Variants in CCDC68 observed in about 807,000 individuals in gnomAD.
CCDC68 encodes the protein coiled-coil domain containing 68, also known as coiled-coil domain-containing protein 68.
A neutral mutation model predicts 47.1 loss-of-function variants in CCDC68; 45 were observed. That is an observed-to-expected ratio of 0.96 (90% CI 0.75 to 1.23). The LOEUF is 1.23. CCDC68 is among the 50% of genes most tolerant of loss of function. The probability of loss-of-function intolerance (pLI) is 0.00; values close to 1 mark genes in which losing one functional copy is unlikely to be tolerated. For synonymous variants in CCDC68, 131 were observed against 129.5 expected, an observed-to-expected ratio of 1.01 and a Z score of -0.08; for missense variants, 353 against 373.6, an observed-to-expected ratio of 0.94 and a Z score of 0.45.
chr18:54,951,035 A>T (rs1324364684), intron 1 of CCDC68, among the ~76,000 whole-genome samples: 1 of 144,296 alleles, frequency 6.9e-6, no homozygotes, highest in Non-Finnish European at 1.5e-5. Context: ...CAGCCTCCCG[A>T]GTAGCTGGGA....
chr18:54,904,472 G>C, intron 11 of CCDC68, 57 bp from the exon 12 acceptor site: 3 of 1,350,630 alleles, frequency 2.2e-6, no homozygotes, highest in Non-Finnish European at 2.1e-6. Context: ...TAGTGATTAT[G>C]GCTAGACTAC....
At chr18:54,934,517 G>A (rs1043804691) in intron 7 of CCDC68, among the ~76,000 whole-genome samples, 1 of 152,122 alleles carries the variant, frequency 6.6e-6, no homozygotes, top group African/African-American at 2.4e-5. Flanking sequence ...TCCATTATTT[G>A]CATTCACAGC....
rs59686916 is a variant in CCDC68, at chr18:54,917,840, G to GACACAC, written c.873+67_873+72dup. ...TGATACTGATACCCTCACGTGCACAGACACACACACACACACACACACACA... is the reference window on the plus strand; with the variant it reads ...TGATACTGATACCCTCACGTGCACAGACACACACACACACACACACACACACACACA... On this transcript the variant is annotated intron_variant, in intron 10 of 11. Coordinates refer to ENST00000591504, the MANE Select transcript of CCDC68 (RefSeq NM_025214.3). The GACACAC allele has an allele frequency of 6.2e-5, 45 of 724,642 alleles. No homozygotes were observed. In the Middle Eastern group the frequency reaches 1.0e-3, roughly 17 times the overall value. 44.9% of individuals were successfully genotyped at this position (724,642 alleles called of 1,614,324 possible).
intron 7 of CCDC68, among the ~76,000 whole-genome samples, chr18:54,930,468 CTGTTA>C (rs1267487043): frequency 2.6e-5 from 4 of 152,056 alleles, no homozygotes; most frequent in African/African-American, 4.8e-5. Flanking sequence ...TTAATGTGTT[CTGTTA>C]TGTTTTAAAA....
At position 54,931,571 on chromosome 18, in the gene CCDC68, T is replaced by C. The variant is rs186499766; in HGVS notation, c.601-2689A>G. Reference sequence around the variant, plus strand: ...GTGGAATAGTTTCTGGTTCATGCTGTCCTCATTTATAAAATGATGATGAGG... The same window carrying C: ...GTGGAATAGTTTCTGGTTCATGCTGCCCTCATTTATAAAATGATGATGAGG... On this transcript the variant is annotated intron_variant, in intron 7 of 11. Transcript: ENST00000591504. Among the ~76,000 whole-genome samples, 5 of 152,324 alleles carry C rather than the reference T, an allele frequency of 3.3e-5. No homozygotes were observed. In the East Asian group the frequency reaches 9.6e-4, roughly 29 times the overall value.
rs1913831468 is a variant in CCDC68 at position 54,904,016 on chromosome 18, TA to T, written c.*341del. The T allele has an allele frequency of 9.1e-6, 2 of 220,966 alleles. No individual in the cohort carries two copies. The highest frequency in any genetic ancestry group is 2.3e-5 in the African/African-American group (1 of 42,816). 13.7% of individuals were successfully genotyped at this position (220,966 alleles called of 1,614,324 possible). On this transcript the variant is annotated 3_prime_UTR_variant, in exon 12 of 12. Transcript: ENST00000591504. ...CTATTTATACTCTTAAAAACCACTA[TA>T]AAAAAGTCAGAATTGACAATCTTAA... is the stretch of plus-strand genomic sequence containing the variant.
At chr18:54,948,857 G>A (rs2044568819) in intron 1 of CCDC68, among the ~76,000 whole-genome samples, 1 of 152,218 alleles carries the variant, frequency 6.6e-6, no homozygotes, top group African/African-American at 2.4e-5. Context: ...GCTGATCTGA[G>A]GAGGTGGTAT....
chr18:54,929,576 G>A (rs529612086), intron 7 of CCDC68, among the ~76,000 whole-genome samples: 43 of 152,312 alleles, frequency 2.8e-4, no homozygotes, highest in Middle Eastern at 3.4e-3. Flanking sequence ...CTGAAAAAAA[G>A]GAATTTGGTG....
intron 1 of CCDC68, among the ~76,000 whole-genome samples, chr18:54,959,014 C>A (rs982382310): frequency 6.6e-6 from 1 of 152,166 alleles, no homozygotes; most frequent in Non-Finnish European, 1.5e-5. Flanking sequence ...GCAGAAATCG[C>A]GGGGACCCCT....
intron 10 of CCDC68, among the ~76,000 whole-genome samples, chr18:54,911,145 T>A (rs1165671779): frequency 2.6e-5 from 4 of 152,196 alleles, no homozygotes; most frequent in Non-Finnish European, 5.9e-5. Context: ...CTTCCTGGGT[T>A]CAAGCGATTC....
intron 10 of CCDC68, among the ~76,000 whole-genome samples, chr18:54,910,341 A>G (rs1914284711): frequency 1.3e-5 from 2 of 152,126 alleles, no homozygotes; most frequent in Admixed American, 1.3e-4. Context: ...CTTGATTCTC[A>G]GTAGAGAGGA....
chr18:54,916,239 G>A (rs772357618), intron 10 of CCDC68, among the ~76,000 whole-genome samples: 8 of 152,146 alleles, frequency 5.3e-5, no homozygotes, highest in Non-Finnish European at 1.2e-4. Flanking sequence ...CATACAGCCT[G>A]AAGAGGGCGA....
At chr18:54,931,130 A>G (rs890998631) in intron 7 of CCDC68, among the ~76,000 whole-genome samples, 4 of 152,172 alleles carry the variant, frequency 2.6e-5, no homozygotes, top group African/African-American at 9.7e-5. Flanking sequence ...AACAAATGTT[A>G]AATAGACTTA....
At chr18:54,921,701 C>T (rs1451761504) in intron 8 of CCDC68, among the ~76,000 whole-genome samples, 2 of 152,198 alleles carry the variant, frequency 1.3e-5, no homozygotes, top group Non-Finnish European at 2.9e-5. Context: ...GATTATCATA[C>T]CTACACAACG....
chr18:54,924,298 A>AG (rs2044110621), intron 8 of CCDC68, among the ~76,000 whole-genome samples: 1 of 152,188 alleles, frequency 6.6e-6, no homozygotes, highest in Non-Finnish European at 1.5e-5. Flanking sequence ...TGAAAAAAAA[A>AG]ACACAAGAAG....
intron 7 of CCDC68, among the ~76,000 whole-genome samples, chr18:54,931,122 C>G (rs746109387): frequency 1.3e-5 from 2 of 152,060 alleles, no homozygotes; most frequent in Non-Finnish European, 2.9e-5. Context: ...TAGTGCCTAA[C>G]AAATGTTAAA....
chr18:54,906,711 G>C (rs536326000), intron 11 of CCDC68, among the ~76,000 whole-genome samples: 14 of 152,248 alleles, frequency 9.2e-5, no homozygotes, highest in East Asian at 5.8e-4. Context: ...GACTCTCCCT[G>C]CTTCTGAAAT....
rs372709146 is a variant in CCDC68 at position 54,933,254 on chromosome 18, G to T, written c.600+1566C>A. ...GTGCCACCATGCCCAGCTAATTTTT[G>T]TATTTTTAGTAGAGACGGGGTTTCA... is the stretch of plus-strand genomic sequence containing the variant. On this transcript the variant is annotated intron_variant, in intron 7 of 11. Transcript: ENST00000591504. Among the ~76,000 whole-genome samples the T allele has an allele frequency of 8.2e-4, 125 of 152,102 alleles. 2 individuals are homozygous for T. The East Asian group carries it at 0.01, about 12-fold the overall frequency.
chr18:54,917,947 T>A lies in CCDC68; in HGVS notation c.839A>T (p.Asn280Ile). 1 of 1,574,570 alleles carries A rather than the reference T, an allele frequency of 6.4e-7. No homozygotes were observed. Among genetic ancestry groups the A allele is most frequent in the South Asian group, 1.1e-5 (1 of 88,298 alleles). The change falls in exon 10 of 12, where the codon AAT becomes ATT. Residue 280 changes from asparagine (N) to isoleucine (I), a missense_variant. By Grantham distance (149) the Asn-to-Ile change is moderately radical. Coordinates refer to ENST00000591504, the MANE Select transcript of CCDC68 (RefSeq NM_025214.3). ...NLKEQDKRIE[N>I]LREKVNILEA... The stretch of plus-strand genomic sequence containing the variant: ...AAGTATGTTAACCTTTTCTCTGAGA[T>A]TTTCAATTCTTTTGTCTTGTTCTTT...
Sources: allele counts gnomAD v4.1 joint callset (sites outside exome capture counted in the v4.1 genomes callset), GRCh38; gene constraint gnomAD v4.1.1; transcripts MANE v1.5; gene names NCBI Gene and HGNC (gene_info 2026-07-23, HGNC 2026-07-21).